Variants in GTF2H5 observed in about 807,000 individuals in gnomAD.
GTF2H5 encodes general transcription factor IIH subunit 5, also known as TFB5 ortholog.
In GTF2H5, 5 loss-of-function variants were observed where a neutral mutation model predicts 7.1. The observed-to-expected ratio is 0.71, with a 90% CI of 0.37 to 1.49. The LOEUF is 1.49. Among genes scored for constraint, GTF2H5 ranks in the 40% most tolerant of loss-of-function variants. GTF2H5 has a pLI of 0.03. For missense variants in GTF2H5, 80 were observed against 83.0 expected, an observed-to-expected ratio of 0.96 and a Z score of 0.14; for synonymous variants, 30 against 31.7, an observed-to-expected ratio of 0.95 and a Z score of 0.18.
intron 2 of GTF2H5, among the ~76,000 whole-genome samples, chr6:158,179,179 GC>G (rs1187189019): frequency 6.6e-6 from 1 of 152,112 alleles, no homozygotes; most frequent in African/African-American, 2.4e-5. Context: ...TATTTCTGAG[GC>G]CTCCGTTTTG....
chr6:158,191,319 C>T (rs1777022208), intron 2 of GTF2H5, among the ~76,000 whole-genome samples: 1 of 152,246 alleles, frequency 6.6e-6, no homozygotes, highest in South Asian at 2.1e-4. Flanking sequence ...ATGTAATGGG[C>T]ATAGACAAGG....
chr6:158,188,997 T>G (rs1384904228), intron 2 of GTF2H5, among the ~76,000 whole-genome samples: 1 of 126,718 alleles, frequency 7.9e-6, no homozygotes, highest in Non-Finnish European at 1.6e-5. Context: ...TGGGACATAG[T>G]GAGATGGCAG....
chr6:158,172,621 T>A (rs1318762519), intron 2 of GTF2H5, among the ~76,000 whole-genome samples: 3 of 152,096 alleles, frequency 2.0e-5, no homozygotes, highest in Non-Finnish European at 4.4e-5. Context: ...GTTTTGGGTG[T>A]TTTTGTCTGT....
chr6:158,171,693 A>G (rs1379690930), intron 2 of GTF2H5, among the ~76,000 whole-genome samples: 1 of 152,152 alleles, frequency 6.6e-6, no homozygotes, highest in East Asian at 1.9e-4. Context: ...GGAGATGGAG[A>G]CTTCGGAGAA....
chr6:158,189,296 C>CT (rs1776981780), intron 2 of GTF2H5, among the ~76,000 whole-genome samples: 1 of 152,138 alleles, frequency 6.6e-6, no homozygotes, highest in Non-Finnish European at 1.5e-5. Context: ...AGTGGACTAC[C>CT]CACCAACCCT....
rs1179620698 is a variant in GTF2H5 at position 158,197,853 on chromosome 6, G to T, written c.*5696G>T. On this transcript the variant is annotated 3_prime_UTR_variant, in exon 3 of 3. Transcript: ENST00000607778. ...CCAATCTTAAAAAAATCCCTGAAGG[G>T]CACCTGTTTTTCTTCAGCTAATAAA... 6.6e-6 allele frequency: 1 copy of T among 152,044 alleles called. No individual in the cohort carries two copies. The highest frequency in any genetic ancestry group is 2.4e-5 in the African/African-American group (1 of 41,356). 9.4% of individuals were successfully genotyped at this position (152,044 alleles called of 1,614,324 possible).
At chr6:158,173,594 G>C (rs764704770) in intron 2 of GTF2H5, among the ~76,000 whole-genome samples, 36 of 152,168 alleles carry the variant, frequency 2.4e-4, no homozygotes, top group Non-Finnish European at 2.2e-4. Context: ...AATTTGATAG[G>C]TCTGGAGTTT....
At chr6:158,179,435 G>C (rs4710022) in intron 2 of GTF2H5, among the ~76,000 whole-genome samples, 51,596 of 152,008 alleles carry the variant, frequency 0.34, 9,372 homozygotes, top group Admixed American at 0.46. Flanking sequence ...ATTACTTTGG[G>C]CAGTAAGGCC....
intron 2 of GTF2H5, among the ~76,000 whole-genome samples, chr6:158,181,346 T>C (rs920906945): frequency 1.3e-5 from 2 of 152,238 alleles, no homozygotes; most frequent in Non-Finnish European, 2.9e-5. Flanking sequence ...ATGTATATTC[T>C]GTTGATTTGG....
chr6:158,191,930 GT>G, intron 2 of GTF2H5, 46 bp from the exon 3 acceptor site: 1 of 1,455,826 alleles, frequency 6.9e-7, no homozygotes, highest in Non-Finnish European at 9.7e-7. Context: ...TCTCTGTGAT[GT>G]GATTTGACAA....
In GTF2H5 at chr6:158,198,429, TTTA is replaced by T. The variant is rs1359768325; in HGVS notation, c.*6275_*6277del. On this transcript the variant is annotated 3_prime_UTR_variant, in exon 3 of 3. Coordinates refer to ENST00000607778, the MANE Select transcript of GTF2H5 (RefSeq NM_207118.3). ...GACATTTACTGAGTCCAGTTTGGAC[TTTA>T]TTTTATTTTATTTTTTTTGAAACAA... The T allele has an allele frequency of 6.6e-6, 1 of 152,192 alleles. No individual in the cohort carries two copies. Among genetic ancestry groups the T allele is most frequent in the East Asian group, 1.9e-4 (1 of 5,194 alleles). The allele number at this position is 152,192 out of a possible 1,614,324, so 9.4% of individuals were successfully genotyped here.
intron 2 of GTF2H5, among the ~76,000 whole-genome samples, chr6:158,180,483 G>A (rs1248577881): frequency 6.6e-6 from 1 of 152,194 alleles, no homozygotes; most frequent in African/African-American, 2.4e-5. Flanking sequence ...GAATTTGGCT[G>A]TGAATCCATC....
intron 1 of GTF2H5, among the ~76,000 whole-genome samples, chr6:158,168,826 G>T (rs1359153761): frequency 6.6e-6 from 1 of 152,190 alleles, no homozygotes; most frequent in Non-Finnish European, 1.5e-5. Context: ...GGCCGGGCGC[G>T]GTGGCTCACG....
intron 2 of GTF2H5, among the ~76,000 whole-genome samples, chr6:158,174,290 G>T (rs895216513): frequency 3.9e-5 from 6 of 152,086 alleles, no homozygotes; most frequent in African/African-American, 1.4e-4. Flanking sequence ...ATATATCTTA[G>T]ATTGGCTTCA....
rs1360697688 is a variant in GTF2H5, at chr6:158,196,386, A to T, written c.*4229A>T. On this transcript the variant is annotated 3_prime_UTR_variant, in exon 3 of 3. Transcript: ENST00000607778. Reference sequence around the variant, plus strand: ...CTCTGGGATCTCAGATGTTTCGTTGATTGGATTTCTTTGTGCTCATTTGTG... The same window carrying T: ...CTCTGGGATCTCAGATGTTTCGTTGTTTGGATTTCTTTGTGCTCATTTGTG... 1 of 152,208 alleles carries T rather than the reference A, an allele frequency of 6.6e-6. No homozygotes were observed. The highest frequency in any genetic ancestry group is 1.5e-5 in the Non-Finnish European group (1 of 68,024). The allele number at this position is 152,208 out of a possible 1,614,324, so 9.4% of individuals were successfully genotyped here.
At chr6:158,172,826 T>C (rs1785875782) in intron 2 of GTF2H5, among the ~76,000 whole-genome samples, 3 of 152,126 alleles carry the variant, frequency 2.0e-5, no homozygotes, top group South Asian at 2.1e-4. Flanking sequence ...GGCATATTGG[T>C]TGGAATTGCA....
chr6:158,181,959 C>A (rs1367582310), intron 2 of GTF2H5, among the ~76,000 whole-genome samples: 1 of 152,206 alleles, frequency 6.6e-6, no homozygotes, highest in Admixed American at 6.5e-5. Context: ...GAGGCAGTTT[C>A]TTCCTAGCAT....
chr6:158,169,397 T>TG (rs1379960506), intron 1 of GTF2H5, among the ~76,000 whole-genome samples: 4,193 of 76,898 alleles, frequency 0.055, 382 homozygotes, highest in East Asian at 0.16. Context: ...ATATATAATA[T>TG]TATATTGTAT....
chr6:158,169,977 C>A (rs149190295), intron 1 of GTF2H5, among the ~76,000 whole-genome samples: 1 of 150,756 alleles, frequency 6.6e-6, no homozygotes, highest in South Asian at 2.1e-4. Flanking sequence ...GCAGAGATCG[C>A]GCCACTGCAC....
Sources: gnomAD v4.1 joint callset for allele counts (sites outside exome capture counted in the v4.1 genomes callset) on GRCh38, gnomAD v4.1.1 for gene constraint, MANE v1.5 for transcripts, NCBI Gene and HGNC (gene_info 2026-07-23, HGNC 2026-07-21) for gene names.